The following LGSN variants were observed in gnomAD, a reference collection of about 807,000 sequenced individuals.
LGSN encodes the protein lengsin, lens protein with glutamine synthetase domain.
Under a neutral mutation model 19.5 loss-of-function variants are expected in LGSN, and 21 were observed. That is an observed-to-expected ratio of 1.07 (90% CI 0.76 to 1.55). The LOEUF (loss-of-function observed/expected upper bound fraction) is 1.55. Ranked by LOEUF, LGSN falls within the 40% of genes most tolerant of loss-of-function variation. LGSN has a pLI of 0.00. For synonymous variants in LGSN, 257 were observed against 215.6 expected, an observed-to-expected ratio of 1.19 and a Z score of -1.68; for missense variants, 673 against 608.5, an observed-to-expected ratio of 1.11 and a Z score of -1.12.
the LGSN span, among the ~76,000 whole-genome samples, chr6:63,327,668 C>T: frequency 2.0e-5 from 3 of 152,192 alleles, no homozygotes; most frequent in Admixed American, 6.5e-5. Flanking sequence ...TAGGATATGC[C>T]TTGGCTGGGT....
At chr6:63,348,128 C>T in the LGSN span, among the ~76,000 whole-genome samples, 2 of 152,126 alleles carry the variant, frequency 1.3e-5, no homozygotes, top group Non-Finnish European at 1.5e-5. Context: ...TATAGTCTAA[C>T]GTAAATACAG....
At chr6:63,412,718 GGAAAGAAAGAAA>G in the LGSN span, among the ~76,000 whole-genome samples, 33 of 54,800 alleles carry the variant, frequency 6.0e-4, no homozygotes, top group African/African-American at 8.3e-4. Context: ...AGGGAAGGAA[GGAAAGAAAGAAA>G]GAAAGAAAGA....
chr6:63,470,453 G>T, the LGSN span, among the ~76,000 whole-genome samples: 3 of 145,796 alleles, frequency 2.1e-5, no homozygotes, highest in Non-Finnish European at 4.5e-5. Context: ...CAGCCTGGTT[G>T]ACAGAGCAAG....
the LGSN span, among the ~76,000 whole-genome samples, chr6:63,533,986 G>C: frequency 1.3e-5 from 2 of 152,100 alleles, no homozygotes; most frequent in South Asian, 2.1e-4. Flanking sequence ...TGGAATAACA[G>C]GTGCACACCA....
chr6:63,512,062 T>C, the LGSN span, among the ~76,000 whole-genome samples: 57 of 149,828 alleles, frequency 3.8e-4, no homozygotes, highest in African/African-American at 1.2e-3. Context: ...AGGACTCAAG[T>C]TCTTTCCTTC....
At chr6:63,298,964 A>G (rs1051044965) in intron 1 of LGSN, among the ~76,000 whole-genome samples, 5 of 152,200 alleles carry the variant, frequency 3.3e-5, no homozygotes, top group Non-Finnish European at 7.3e-5. Flanking sequence ...CTTAGTTACT[A>G]TCCTGCCCCA....
the LGSN span, among the ~76,000 whole-genome samples, chr6:63,533,511 C>G: frequency 7.9e-5 from 12 of 152,148 alleles, no homozygotes; most frequent in African/African-American, 2.9e-4. Context: ...GTTGGAGATT[C>G]ACAGTGAGTT....
chr6:63,506,218 G>A, the LGSN span, among the ~76,000 whole-genome samples: 4 of 150,038 alleles, frequency 2.7e-5, no homozygotes, highest in Non-Finnish European at 5.9e-5. Context: ...TCATGGAAAG[G>A]AGATAAGTTC....
At chr6:63,360,991 G>T in the LGSN span, among the ~76,000 whole-genome samples, 1 of 152,206 alleles carries the variant, frequency 6.6e-6, no homozygotes, top group Non-Finnish European at 1.5e-5. Context: ...AACAGCAAAT[G>T]TTGCTGCCTG....
chr6:63,559,315 G>A, the LGSN span, among the ~76,000 whole-genome samples: 2 of 152,290 alleles, frequency 1.3e-5, no homozygotes, highest in East Asian at 1.9e-4. Context: ...TTATTTGGGG[G>A]AAGTGATAGT....
chr6:63,416,926 T>C, the LGSN span, among the ~76,000 whole-genome samples: 1 of 40,378 alleles, frequency 2.5e-5, no homozygotes, highest in African/African-American at 1.3e-4. Context: ...TACATACATA[T>C]GTATGTACAC....
chr6:63,552,610 A>C, the LGSN span, among the ~76,000 whole-genome samples: 13 of 152,188 alleles, frequency 8.5e-5, no homozygotes, highest in Non-Finnish European at 1.8e-4. Context: ...GTCCTTGCCC[A>C]TGCCTATGTC....
At chr6:63,528,948 G>T in the LGSN span, among the ~76,000 whole-genome samples, 3 of 151,942 alleles carry the variant, frequency 2.0e-5, no homozygotes, top group South Asian at 2.1e-4. Flanking sequence ...AATTAGCTGG[G>T]CGTGGTGGCA....
upstream of LGSN, among the ~76,000 whole-genome samples, chr6:63,324,220 G>A (rs917704826): frequency 2.0e-5 from 3 of 152,166 alleles, no homozygotes; most frequent in Non-Finnish European, 4.4e-5. Flanking sequence ...AAGGTTCTTG[G>A]AATCCCTAGG....
At chr6:63,287,298 G>T (rs1326647842) in intron 2 of LGSN, among the ~76,000 whole-genome samples, 1 of 152,172 alleles carries the variant, frequency 6.6e-6, no homozygotes, top group Non-Finnish European at 1.5e-5. Context: ...AGTATTTCAT[G>T]CTAAATTAAC....
chr6:63,573,568 T>A, the LGSN span: 2 of 152,204 alleles, frequency 1.3e-5, no homozygotes, highest in Non-Finnish European at 2.9e-5. Context: ...CTCTGGGGCA[T>A]TCCGCGAGCT....
the LGSN span, among the ~76,000 whole-genome samples, chr6:63,340,331 A>C: frequency 6.6e-6 from 1 of 152,056 alleles, no homozygotes; most frequent in Non-Finnish European, 1.5e-5. Flanking sequence ...GGAAGTTTTC[A>C]GTTATTATAT....
At chr6:63,332,839 C>T in the LGSN span, among the ~76,000 whole-genome samples, 2 of 152,104 alleles carry the variant, frequency 1.3e-5, no homozygotes, top group South Asian at 2.1e-4. Flanking sequence ...AAAGTCCCTT[C>T]GTGGTCACCA....
the LGSN span, among the ~76,000 whole-genome samples, chr6:63,404,671 A>G: frequency 9.3e-4 from 142 of 152,232 alleles, 2 homozygotes; most frequent in African/African-American, 3.2e-3. Flanking sequence ...ACCATTCATG[A>G]GGGGATCACC....
Sources: allele counts gnomAD v4.1 joint callset (sites outside exome capture counted in the v4.1 genomes callset), GRCh38; gene constraint gnomAD v4.1.1; transcripts MANE v1.5; gene names NCBI Gene and HGNC (gene_info 2026-07-23, HGNC 2026-07-21).